Variants in ZC3H12D observed in about 807,000 individuals in gnomAD.
ZC3H12D encodes the protein probable ribonuclease ZC3H12D.
In ZC3H12D, 11 loss-of-function variants were observed where a neutral mutation model predicts 24.2. The ratio of observed to expected loss-of-function variants is 0.46; its 90% CI spans 0.29 to 0.75. The LOEUF is 0.75. ZC3H12D is among the 30% of genes least tolerant of loss of function. ZC3H12D has a pLI of 0.11. For synonymous variants in ZC3H12D, 333 were observed against 341.8 expected (o/e 0.97, Z 0.28); for missense variants, 740 against 767.7 (o/e 0.96, Z 0.43).
chr6:149,465,858 C>G (rs116118924), intron 2 of ZC3H12D, among the ~76,000 whole-genome samples: 1,744 of 152,050 alleles, frequency 0.011, 39 homozygotes, highest in African/African-American at 0.04. Context: ...GGTCCTCACC[C>G]CACCCCCCAA....
intron 1 of ZC3H12D, among the ~76,000 whole-genome samples, chr6:149,474,821 C>T (rs1297601229): frequency 6.6e-6 from 1 of 152,190 alleles, no homozygotes; most frequent in Non-Finnish European, 1.5e-5. Context: ...AGGCCTTCAC[C>T]CCACACTGCC....
Position 149,450,245 on chromosome 6 carries a change from G to T in ZC3H12D, c.*438C>A. The T allele has an allele frequency of 5.9e-6, 1 of 168,140 alleles. No homozygotes were observed. The allele number at this position is 168,140 out of a possible 1,614,324, so 10.4% of individuals were successfully genotyped here. On this transcript the variant is annotated 3_prime_UTR_variant, in exon 6 of 6. Coordinates refer to ENST00000409806, the MANE Select transcript of ZC3H12D (RefSeq NM_207360.3). ...AACTTCTGACTACGACCCACATTGA[G>T]GTTAGTTACATGGCTGCCAAGGGGG...
intron 4 of ZC3H12D, among the ~76,000 whole-genome samples, chr6:149,453,805 C>G (rs1010758090): frequency 2.6e-5 from 4 of 152,082 alleles, no homozygotes; most frequent in African/African-American, 9.7e-5. Flanking sequence ...ACTAGAAAAG[C>G]TGAGGAAGGA....
At position 149,461,887 on chromosome 6, in the gene ZC3H12D, T is replaced by C. The variant is rs1776079015; in HGVS notation, c.389A>G (p.Lys130Arg). ...WFRDRGHTYI[K>R]VFVPSWRKDP... ...CTTCCTCCAGGATGGAACAAAAACT[T>C]TGATGTAGGTGTGTCCTCTGTCCCT... Residue 130 changes from lysine (K) to arginine (R), a missense_variant, in exon 3 of 6, where the codon AAA (lysine) becomes AGA (arginine). Transcript: ENST00000409806. 1 of 1,600,612 alleles carries C rather than the reference T, an allele frequency of 6.2e-7. No homozygotes were observed. The highest frequency in any genetic ancestry group is 1.7e-5 in the Admixed American group (1 of 58,046).
Position 149,474,699 on chromosome 6 carries a change from G to A in ZC3H12D, c.-70-86C>T, listed in dbSNP as rs544803826. On this transcript the variant is annotated intron_variant, in intron 1 of 5. Coordinates refer to ENST00000409806, the MANE Select transcript of ZC3H12D (RefSeq NM_207360.3). ...GTGTGCCTGCGCTGGCTCCCTCCCGGCCTAGCTGTCAGGAAATCAGGTGGA... is the reference window on the plus strand; with the variant it reads ...GTGTGCCTGCGCTGGCTCCCTCCCGACCTAGCTGTCAGGAAATCAGGTGGA... 6.6e-6 allele frequency: 4 copies of A among 604,028 alleles called. No homozygotes were observed. The East Asian group carries it at 9.7e-5, about 15-fold the overall frequency. 37.4% of individuals were successfully genotyped at this position (604,028 alleles called of 1,614,324 possible).
chr6:149,472,729 T>C (rs1433609787), intron 2 of ZC3H12D, among the ~76,000 whole-genome samples: 1 of 152,044 alleles, frequency 6.6e-6, no homozygotes, highest in Non-Finnish European at 1.5e-5. Context: ...CCTGAAATAG[T>C]CTTTTTACCC....
chr6:149,450,639 G>T lies in ZC3H12D; in HGVS notation c.*44C>A. On this transcript the variant is annotated 3_prime_UTR_variant, in exon 6 of 6. Coordinates refer to ENST00000409806, the MANE Select transcript of ZC3H12D (RefSeq NM_207360.3). The stretch of plus-strand genomic sequence containing the variant: ...AACCACAGGTCCACCCGTCCAAGAC[G>T]CAAGGCGAGGCTGGGCCATTCCCTG... The T allele has an allele frequency of 6.8e-7, 1 of 1,462,096 alleles. No individual in the cohort carries two copies. Among genetic ancestry groups the T allele is most frequent in the East Asian group, 2.6e-5 (1 of 39,140 alleles). 90.6% of individuals were successfully genotyped at this position (1,462,096 alleles called of 1,614,324 possible).
chr6:149,465,215 G>A (rs1328071085), intron 2 of ZC3H12D, among the ~76,000 whole-genome samples: 2 of 152,074 alleles, frequency 1.3e-5, no homozygotes, highest in African/African-American at 2.4e-5. Flanking sequence ...TTAGCTGGGT[G>A]TGGTGGCACG....
chr6:149,475,710 C>T (rs1430437647), intron 1 of ZC3H12D, among the ~76,000 whole-genome samples: 3 of 120,686 alleles, frequency 2.5e-5, no homozygotes, highest in African/African-American at 3.4e-5. Context: ...AGTGAAACTC[C>T]GTCTCAAAAA....
intron 4 of ZC3H12D, among the ~76,000 whole-genome samples, chr6:149,455,394 G>A (rs1239050144): frequency 3.3e-5 from 5 of 152,208 alleles, no homozygotes; most frequent in Non-Finnish European, 5.9e-5. Flanking sequence ...TGAGGAGTTT[G>A]TCTAAAACCA....
chr6:149,457,750 G>A (rs879610219), intron 3 of ZC3H12D, among the ~76,000 whole-genome samples: 1 of 152,044 alleles, frequency 6.6e-6, no homozygotes, highest in Non-Finnish European at 1.5e-5. Context: ...TCAGCTGTTT[G>A]ATCTGGATTT....
intron 2 of ZC3H12D, among the ~76,000 whole-genome samples, chr6:149,472,380 C>T (rs1776259892): frequency 6.6e-6 from 1 of 152,038 alleles, no homozygotes; most frequent in South Asian, 2.1e-4. Flanking sequence ...ACACACAGAG[C>T]ACAGGTACAT....
chr6:149,468,746 C>T (rs1776199573), intron 2 of ZC3H12D, among the ~76,000 whole-genome samples: 1 of 152,148 alleles, frequency 6.6e-6, no homozygotes, highest in South Asian at 2.1e-4. Context: ...AGGCTAACGT[C>T]AGACAGAACA....
intron 3 of ZC3H12D, among the ~76,000 whole-genome samples, chr6:149,459,144 C>T (rs1415444795): frequency 7.5e-6 from 1 of 132,726 alleles, no homozygotes; most frequent in African/African-American, 3.0e-5. Flanking sequence ...CATCTTTCTT[C>T]ATAAGTTTGC....
intron 3 of ZC3H12D, among the ~76,000 whole-genome samples, chr6:149,458,050 A>C (rs1776012028): frequency 7.6e-6 from 1 of 131,162 alleles, no homozygotes; most frequent in African/African-American, 2.8e-5. Context: ...CGTGTTTATG[A>C]TTTCCTTGCT....
chr6:149,447,349 C>T lies in ZC3H12D; in HGVS notation c.*3334G>A, dbSNP rs936017556. The T allele has an allele frequency of 1.3e-5, 2 of 152,276 alleles. No homozygotes were observed. Among genetic ancestry groups the T allele is most frequent in the Non-Finnish European group, 1.5e-5 (1 of 68,126 alleles). The allele number at this position is 152,276 out of a possible 1,614,324, so 9.4% of individuals were successfully genotyped here. ...CACTACAACCTCTGCCTCCTGGGTT[C>T]AAGGTGATTCTCCTGCCTCAGCCTC... is the stretch of plus-strand genomic sequence containing the variant. On this transcript the variant is annotated 3_prime_UTR_variant, in exon 6 of 6. Transcript: ENST00000409806.
At chr6:149,484,107 A>G (rs992655749) in intron 1 of ZC3H12D, among the ~76,000 whole-genome samples, 23 of 152,088 alleles carry the variant, frequency 1.5e-4, no homozygotes, top group African/African-American at 5.6e-4. Context: ...GAGCAACTCT[A>G]CTGTAGTCCA....
intron 2 of ZC3H12D, among the ~76,000 whole-genome samples, chr6:149,469,932 G>A (rs1199546752): frequency 6.6e-6 from 1 of 152,168 alleles, no homozygotes; most frequent in East Asian, 1.9e-4. Context: ...GAGAGCAGAA[G>A]GAATGGTAAT....
At position 149,476,067 on chromosome 6, in the gene ZC3H12D, C is replaced by T. The variant is rs930483098; in HGVS notation, c.-70-1454G>A. ...CCACTTGCTTCCCCTACTGTTTTTC[C>T]GCACCCCTCTAGTGCTTCCTCTGTA... is the stretch of plus-strand genomic sequence containing the variant. On this transcript the variant is annotated intron_variant, in intron 1 of 5. Transcript: ENST00000409806. Among the ~76,000 whole-genome samples the T allele has an allele frequency of 4.6e-5, 7 of 152,282 alleles. 1 individual carries two copies. The South Asian group carries it at 1.0e-3, about 23-fold the overall frequency.
Sources: gnomAD v4.1 joint callset for allele counts (sites outside exome capture counted in the v4.1 genomes callset) on GRCh38, gnomAD v4.1.1 for gene constraint, MANE v1.5 for transcripts, NCBI Gene and HGNC (gene_info 2026-07-23, HGNC 2026-07-21) for gene names.